The following TECTA variants were observed in gnomAD, a reference collection of about 807,000 sequenced individuals.
TECTA encodes tectorin alpha, also known as alpha-tectorin.
TECTA carries 128 observed loss-of-function variants against 216.8 expected under a neutral mutation model. That is an observed-to-expected ratio of 0.59 (90% CI 0.51 to 0.68). The LOEUF (loss-of-function observed/expected upper bound fraction) is 0.68, where lower values mean the gene tolerates loss of function less well. Ranked by LOEUF, TECTA falls within the 30% of genes least tolerant of loss-of-function variation. The pLI is 0.00. For synonymous variants in TECTA, 1,089 were observed against 1,117.1 expected, an observed-to-expected ratio of 0.97 and a Z score of 0.50; for missense variants, 2,551 against 2,786.2, an observed-to-expected ratio of 0.92 and a Z score of 1.90.
chr11:121,104,885 C>T (rs775203938), intron 2 of TECTA, among the ~76,000 whole-genome samples: 7 of 151,988 alleles, frequency 4.6e-5, no homozygotes, highest in Non-Finnish European at 1.0e-4. Context: ...CGATAGTGTC[C>T]TATTGTCTTA....
intron 6 of TECTA, among the ~76,000 whole-genome samples, chr11:121,115,131 A>T (rs1246812103): frequency 7.3e-6 from 1 of 136,760 alleles, no homozygotes; most frequent in African/African-American, 2.8e-5. Context: ...CCACCTACCC[A>T]TCCATCCATT....
rs546333398 is a variant in TECTA at position 121,165,241 on chromosome 11, T to C, written c.5273-32T>C. On this transcript the variant is annotated intron_variant, in intron 16 of 23. Coordinates refer to ENST00000392793, the MANE Select transcript of TECTA (RefSeq NM_005422.4). The stretch of plus-strand genomic sequence containing the variant: ...ACCGCATGTAGGTGTGAAAATGAAG[T>C]TGTGCATGTTTCTGTGTGTTTTTCT... The C allele has an allele frequency of 2.8e-5, 44 of 1,560,272 alleles. No homozygotes were observed. The South Asian group carries it at 4.6e-4, about 16-fold the overall frequency.
At chr11:121,150,363 A>G (rs1310224279) in intron 12 of TECTA, among the ~76,000 whole-genome samples, 1 of 152,248 alleles carries the variant, frequency 6.6e-6, no homozygotes, top group Non-Finnish European at 1.5e-5. Context: ...CGGGCAGAAC[A>G]AAGATTAAAC....
At chr11:121,180,507 T>C (rs761497306) in intron 20 of TECTA, among the ~76,000 whole-genome samples, 1 of 152,206 alleles carries the variant, frequency 6.6e-6, no homozygotes. Flanking sequence ...GGGGTTCTAT[T>C]ATATATAACT....
rs1219503542 is a variant in TECTA, at chr11:121,168,769, A to G, written c.5843A>G (p.Gln1948Arg). The change falls in exon 20 of 24, where the codon CAG becomes CGG. Residue 1948 changes from glutamine (Q) to arginine (R), a missense_variant. Transcript: ENST00000392793. ...GCCTCCTACAAACATCCTTACCGCC[A>G]GGGTGAAGTAGTGTTGACGACTCGA... The part of the protein sequence containing the change: ...KNASYKHPYR[Q>R]GEVVLTTRDV... 4 of 1,614,196 alleles carry G rather than the reference A, an allele frequency of 2.5e-6. No homozygotes were observed. The Admixed American group carries it at 5.0e-5, about 20-fold the overall frequency.
intron 12 of TECTA, 90 bp from the exon 13 acceptor site, chr11:121,152,791 A>T: frequency 7.1e-7 from 1 of 1,399,592 alleles, no homozygotes; most frequent in Non-Finnish European, 9.8e-7. Context: ...CGTGCCTTTC[A>T]TCTCCCTGAG....
In TECTA at chr11:121,190,979, C is replaced by T. The variant is rs1440927690; in HGVS notation, c.*173C>T. The T allele has an allele frequency of 1.7e-6, 1 of 579,192 alleles. No individual in the cohort carries two copies. The highest frequency in any genetic ancestry group is 3.1e-6 in the Non-Finnish European group (1 of 321,622). The allele number at this position is 579,192 out of a possible 1,614,324, so 35.9% of individuals were successfully genotyped here. ...GAAACCAGCGACCATCCAAGCTCCT[C>T]TTTCAGAGTATGAAACGGGGCTTCT... On this transcript the variant is annotated 3_prime_UTR_variant, in exon 24 of 24. Coordinates refer to ENST00000392793, the MANE Select transcript of TECTA (RefSeq NM_005422.4).
intron 6 of TECTA, among the ~76,000 whole-genome samples, chr11:121,115,283 A>G (rs1168718740): frequency 6.6e-6 from 1 of 152,014 alleles, no homozygotes; most frequent in Non-Finnish European, 1.5e-5. Flanking sequence ...CAAGTCATCC[A>G]GCCATTTAGC....
chr11:121,157,824 C>T lies in TECTA; in HGVS notation c.4306-17C>T, dbSNP rs372713996. 65 of 1,613,118 alleles carry T rather than the reference C, an allele frequency of 4.0e-5. No individual in the cohort carries two copies. Among genetic ancestry groups the T allele is most frequent in the African/African-American group, 1.1e-4 (8 of 74,900 alleles). On this transcript the variant is annotated splice_polypyrimidine_tract_variant and intron_variant, in intron 13 of 23. Transcript: ENST00000392793. ...GACCACAGTCTGAATTTAATGCAAA[C>T]GGCGCCTCTCTTCCAGCCCAAGCAG...
rs727505218 is a variant in TECTA, at chr11:121,158,045, C to A, written c.4510C>A (p.Arg1504Ser). The change falls in exon 14 of 24, where the codon CGC becomes AGC. Residue 1504 changes from arginine to serine, a missense_variant. By Grantham distance (110) the Arg-to-Ser change is moderately radical. Coordinates refer to ENST00000392793, the MANE Select transcript of TECTA (RefSeq NM_005422.4). ...CCGCACCTTCGACGGCGCCTTCCTG[C>A]GCTTCCCAGCCAACTGCGCCTTCGT... ...VFRTFDGAFL[R>S]FPANCAFVLS... The A allele has an allele frequency of 1.7e-5, 27 of 1,613,226 alleles. No individual in the cohort carries two copies. The highest frequency in any genetic ancestry group is 2.2e-5 in the Non-Finnish European group (26 of 1,179,972).
intron 10 of TECTA, among the ~76,000 whole-genome samples, chr11:121,134,345 A>ACACACACACACACACG (rs954311155): frequency 1.3e-5 from 2 of 151,798 alleles, no homozygotes; most frequent in African/African-American, 4.8e-5. Flanking sequence ...ACACACACAC[A>ACACACACACACACACG]CACGCACACA....
At chr11:121,121,065 G>A (rs562617883) in intron 7 of TECTA, among the ~76,000 whole-genome samples, 17 of 152,290 alleles carry the variant, frequency 1.1e-4, no homozygotes, top group Non-Finnish European at 1.6e-4. Flanking sequence ...TTTGGAGCTC[G>A]ACTAGGAGGG....
intron 20 of TECTA, among the ~76,000 whole-genome samples, chr11:121,169,794 T>C (rs1199000397): frequency 1.3e-5 from 2 of 152,200 alleles, no homozygotes; most frequent in Admixed American, 1.3e-4. Context: ...ATGCATTAAA[T>C]GTGTAGTGCT....
At chr11:121,117,522 A>G (rs150468893) in intron 6 of TECTA, among the ~76,000 whole-genome samples, 61 of 152,362 alleles carry the variant, frequency 4.0e-4, no homozygotes, top group African/African-American at 1.4e-3. Flanking sequence ...TACCAAAGAA[A>G]TAATAGTGTT....
rs745430155 is a variant in TECTA, at chr11:121,189,115, C to T, written c.6198C>T (p.Tyr2066=). ...ACAATTCCAGGATTGCCACAGATTA[C>T]ACAAAAGAGCCCAAAGAACAGATCA... The part of the protein sequence containing the change: ...CPHNSRIATD[Y]TKEPKEQIIS... Residue 2066 remains tyrosine, a synonymous_variant, in exon 22 of 24, where the codon TAC becomes TAT. Coordinates refer to ENST00000392793, the MANE Select transcript of TECTA (RefSeq NM_005422.4). The T allele has an allele frequency of 4.3e-6, 7 of 1,614,042 alleles. No homozygotes were observed. The African/African-American group carries it at 9.3e-5, about 22-fold the overall frequency.
intron 20 of TECTA, among the ~76,000 whole-genome samples, chr11:121,170,256 G>A (rs1255448240): frequency 1.3e-5 from 2 of 152,154 alleles, no homozygotes; most frequent in Non-Finnish European, 2.9e-5. Flanking sequence ...TTCATCCATT[G>A]ATGTATACTT....
chr11:121,113,205 C>T lies in TECTA; in HGVS notation c.620C>T (p.Ala207Val), dbSNP rs976997606. The change falls in exon 5 of 24, where the codon GCA becomes GTA. Residue 207 changes from alanine (A) to valine (V), a missense_variant. Ala to Val is a moderately conservative substitution (Grantham distance 64). This residue lies in a region of TECTA where 2,375 missense variants were observed against 2,563.9 expected (regional missense o/e 0.93). Coordinates refer to ENST00000392793, the MANE Select transcript of TECTA (RefSeq NM_005422.4). The surrounding 1 kb of genome is among the most constrained non-coding windows in gnomAD (Gnocchi z 4.2). ...DPLTGLGGVMAQAGFNGGNLT... is the reference protein window; with the variant it reads ...DPLTGLGGVMVQAGFNGGNLT... Reference sequence around the variant, plus strand: ...CTGACAGGTCTTGGTGGAGTGATGGCACAGGTAGGTGGCTCTCCACTTCAT... The same window carrying T: ...CTGACAGGTCTTGGTGGAGTGATGGTACAGGTAGGTGGCTCTCCACTTCAT... 2.5e-6 allele frequency: 4 copies of T among 1,613,978 alleles called. No homozygotes were observed. In the South Asian group the frequency reaches 3.3e-5, roughly 13 times the overall value.
intron 11 of TECTA, among the ~76,000 whole-genome samples, chr11:121,145,157 G>A (rs1429039188): frequency 1.3e-5 from 2 of 152,214 alleles, no homozygotes. Context: ...GAAGGAATTA[G>A]TACACTGGGG....
Position 121,109,721 on chromosome 11 carries a change from A to G in TECTA, c.486+223A>G, listed in dbSNP as rs977422824. ...TCAGAAGATATGTCACCCCTATCAC[A>G]AATCATCACTAATGCCTAAAAAAAA... On this transcript the variant is annotated intron_variant, in intron 4 of 23. Transcript: ENST00000392793. 1.2e-5 allele frequency: 7 copies of G among 577,960 alleles called. No individual in the cohort carries two copies. In the African/African-American group the frequency reaches 1.3e-4, roughly 11 times the overall value. The allele number at this position is 577,960 out of a possible 1,614,324, so 35.8% of individuals were successfully genotyped here.
Sources: gnomAD v4.1 joint callset for allele counts (sites outside exome capture counted in the v4.1 genomes callset) on GRCh38, gnomAD v4.1.1 for gene constraint, gnomAD v4.1.1 regional missense constraint, Gnocchi (gnomAD v3.1) non-coding constraint, MANE v1.5 for transcripts, NCBI Gene and HGNC (gene_info 2026-07-23, HGNC 2026-07-21) for gene names.